ZFAND6: variants seen among roughly 807,000 people sequenced by gnomAD.
ZFAND6 encodes the protein zinc finger AN1-type containing 6.
ZFAND6 carries 12 observed loss-of-function variants against 24.5 expected under a neutral mutation model. That is an observed-to-expected ratio of 0.49 (90% confidence interval 0.31 to 0.79). The LOEUF (loss-of-function observed/expected upper bound fraction) is 0.79. ZFAND6 is among the 30% of genes least tolerant of loss of function. The probability of loss-of-function intolerance (pLI) is 0.04; values close to 1 mark genes in which losing one functional copy is unlikely to be tolerated. For synonymous variants in ZFAND6, 92 were observed against 81.5 expected (o/e 1.13, Z -0.69); for missense variants, 207 against 245.9 (o/e 0.84, Z 1.06).
At chr15:80,065,537 A>ATTTTTTTTTTTTTTTTTTT (rs149756891) in intron 1 of ZFAND6, among the ~76,000 whole-genome samples, 2 of 76,506 alleles carry the variant, frequency 2.6e-5, no homozygotes, top group African/African-American at 5.3e-5. Flanking sequence ...TTTGGTTTTG[A>ATTTTTTTTTTTTTTTTTTT]TTTTTTTTTT....
chr15:80,095,424 C>T (rs1328560098), intron 1 of ZFAND6, among the ~76,000 whole-genome samples: 3 of 152,076 alleles, frequency 2.0e-5, no homozygotes, highest in Admixed American at 2.0e-4. Context: ...GGTTCCTCTA[C>T]TTAAGTTAAT....
chr15:80,069,234 C>T (rs2036835766), intron 1 of ZFAND6, among the ~76,000 whole-genome samples: 2 of 152,274 alleles, frequency 1.3e-5, no homozygotes, highest in South Asian at 4.1e-4. Flanking sequence ...TTGTTTGGCA[C>T]ATGAAAATTT....
At chr15:80,113,323 T>TA (rs1178626659) in intron 2 of ZFAND6, among the ~76,000 whole-genome samples, 2 of 152,230 alleles carry the variant, frequency 1.3e-5, no homozygotes, top group Admixed American at 6.5e-5. Context: ...AATCTGGAAT[T>TA]ACGTGACATT....
intron 2 of ZFAND6, among the ~76,000 whole-genome samples, chr15:80,103,546 C>G (rs1408977272): frequency 3.3e-5 from 5 of 152,168 alleles, no homozygotes; most frequent in Non-Finnish European, 7.3e-5. Flanking sequence ...CTCAGATTGG[C>G]TTACTGTTGA....
chr15:80,086,309 A>T (rs1188641954), intron 1 of ZFAND6, among the ~76,000 whole-genome samples: 1 of 152,252 alleles, frequency 6.6e-6, no homozygotes, highest in Non-Finnish European at 1.5e-5. Flanking sequence ...AAGTACTGGG[A>T]TTACAGGCAT....
In ZFAND6 at chr15:80,137,377, T is replaced by A. The variant is rs189384382; in HGVS notation, c.479-103T>A. The A allele has an allele frequency of 5.9e-5, 76 of 1,297,382 alleles. No individual in the cohort carries two copies. The Admixed American group carries it at 1.5e-3, about 25-fold the overall frequency. 80.4% of individuals were successfully genotyped at this position (1,297,382 alleles called of 1,614,324 possible). On this transcript the variant is annotated intron_variant, in intron 6 of 6. Transcript: ENST00000261749. ...AGTGTATTTAGAATGATTCTTTAGT[T>A]TACATTGCTGCCCTAAATATATTGT... is the stretch of plus-strand genomic sequence containing the variant.
chr15:80,089,731 C>T (rs1443628543), intron 1 of ZFAND6, among the ~76,000 whole-genome samples: 1 of 152,136 alleles, frequency 6.6e-6, no homozygotes, highest in Admixed American at 6.6e-5. Flanking sequence ...TGCTTTCCAC[C>T]CAGTCCGTTT....
chr15:80,109,050 C>CTG (rs1396374954), intron 2 of ZFAND6, among the ~76,000 whole-genome samples: 1 of 152,104 alleles, frequency 6.6e-6, no homozygotes, highest in Non-Finnish European at 1.5e-5. Flanking sequence ...AGTGCATGAA[C>CTG]TGTATAGTCA....
At chr15:80,101,952 C>T (rs943094713) in intron 2 of ZFAND6, among the ~76,000 whole-genome samples, 1 of 151,758 alleles carries the variant, frequency 6.6e-6, no homozygotes, top group African/African-American at 2.4e-5. Context: ...GCCACCACGC[C>T]TGGCTAATTT....
chr15:80,088,604 T>C (rs966263505), intron 1 of ZFAND6, among the ~76,000 whole-genome samples: 1 of 152,344 alleles, frequency 6.6e-6, no homozygotes, highest in East Asian at 1.9e-4. Flanking sequence ...TCTTTCCTTA[T>C]GCTTTATTGT....
intron 1 of ZFAND6, among the ~76,000 whole-genome samples, chr15:80,074,696 T>C (rs2037167282): frequency 6.6e-6 from 1 of 151,986 alleles, no homozygotes; most frequent in African/African-American, 2.4e-5. Flanking sequence ...TACACACATA[T>C]AGTGGTGCTA....
chr15:80,120,286 GTTACGTGTCTGAGTTCT>G, intron 2 of ZFAND6, 25 bp from the exon 3 acceptor site: 1 of 1,402,772 alleles, frequency 7.1e-7, no homozygotes, highest in Non-Finnish European at 9.4e-7. Flanking sequence ...GTGATTGGAA[GTTACGTGTCTGAGTTCT>G]TTGCTAATTT....
chr15:80,122,077 G>A (rs2040171300), intron 4 of ZFAND6, among the ~76,000 whole-genome samples: 1 of 151,942 alleles, frequency 6.6e-6, no homozygotes, highest in South Asian at 2.1e-4. Flanking sequence ...TACTCCTGAA[G>A]TCCTTTGGAA....
intron 2 of ZFAND6, among the ~76,000 whole-genome samples, chr15:80,105,874 T>C (rs1420583940): frequency 2.0e-5 from 3 of 152,250 alleles, no homozygotes; most frequent in Non-Finnish European, 2.9e-5. Flanking sequence ...CAATCATTTC[T>C]GGCATCCATT....
At chr15:80,090,319 T>A (rs55653560) in intron 1 of ZFAND6, among the ~76,000 whole-genome samples, 10,595 of 152,270 alleles carry the variant, frequency 0.07, 502 homozygotes, top group Non-Finnish European at 0.11. Context: ...TGTCTTAGCA[T>A]GTTCAGGTGC....
At chr15:80,102,242 T>C (rs2039075827) in intron 2 of ZFAND6, among the ~76,000 whole-genome samples, 2 of 152,118 alleles carry the variant, frequency 1.3e-5, no homozygotes, top group Admixed American at 1.3e-4. Flanking sequence ...CCCATGTAGC[T>C]GGGATTACAG....
chr15:80,093,004 G>T (rs1281516476), intron 1 of ZFAND6, among the ~76,000 whole-genome samples: 1 of 150,940 alleles, frequency 6.6e-6, no homozygotes, highest in East Asian at 1.9e-4. Context: ...ACCCAGGCTG[G>T]AATGCAGTGG....
At chr15:80,111,737 T>G (rs2039620157) in intron 2 of ZFAND6, among the ~76,000 whole-genome samples, 1 of 152,206 alleles carries the variant, frequency 6.6e-6, no homozygotes, top group East Asian at 1.9e-4. Context: ...CATTCTTATT[T>G]AACTAAACGT....
chr15:80,075,432 G>A (rs2037217906), intron 1 of ZFAND6: 1 of 163,884 alleles, frequency 6.1e-6, no homozygotes, highest in African/African-American at 2.4e-5. Context: ...CAGTACTACT[G>A]ATCTTACATT....
Sources: gnomAD v4.1 joint callset for allele counts (sites outside exome capture counted in the v4.1 genomes callset) on GRCh38, gnomAD v4.1.1 for gene constraint, MANE v1.5 for transcripts, NCBI Gene and HGNC (gene_info 2026-07-23, HGNC 2026-07-21) for gene names.